The following LOXHD1 variants were observed in gnomAD, a reference collection of about 807,000 sequenced individuals.
The protein encoded by LOXHD1 is lipoxygenase homology PLAT domains 1.
A neutral mutation model predicts 248.2 loss-of-function variants in LOXHD1; 205 were observed. The observed-to-expected ratio is 0.83, with a 90% confidence interval of 0.74 to 0.93. LOXHD1 has a LOEUF of 0.93. Ranked by LOEUF, LOXHD1 falls within the 40% of genes least tolerant of loss-of-function variation. The pLI, the probability that LOXHD1 is intolerant of heterozygous loss-of-function variation, is 0.00. For synonymous variants in LOXHD1, 1,113 were observed against 1,162.8 expected (o/e 0.96, Z 0.87); for missense variants, 2,930 against 2,971.6 (o/e 0.99, Z 0.33).
At chr18:46,620,440 G>T (rs560999937) in intron 4 of LOXHD1, among the ~76,000 whole-genome samples, 1 of 152,332 alleles carries the variant, frequency 6.6e-6, no homozygotes, top group Non-Finnish European at 1.5e-5. Context: ...CAGTGAAGCA[G>T]GAGAAAGGAT....
chr18:46,583,204 G>T (rs1258487271), intron 12 of LOXHD1, among the ~76,000 whole-genome samples: 1 of 152,150 alleles, frequency 6.6e-6, no homozygotes, highest in African/African-American at 2.4e-5. Context: ...AAAGTGAAAA[G>T]ATTGATTAAA....
At chr18:46,637,560 C>G (rs1010074028) in intron 4 of LOXHD1, among the ~76,000 whole-genome samples, 1 of 152,106 alleles carries the variant, frequency 6.6e-6, no homozygotes, top group African/African-American at 2.4e-5. Context: ...ATGAAATTCA[C>G]CCCAGTTGAA....
Position 46,577,806 on chromosome 18 carries a change from T to A in LOXHD1, c.1871A>T (p.His624Leu). 1 of 1,551,690 alleles carries A rather than the reference T, an allele frequency of 6.4e-7. No homozygotes were observed. Among genetic ancestry groups the A allele is most frequent in the Non-Finnish European group, 8.7e-7 (1 of 1,146,992 alleles). ...MRNVRRVRIR[H>L]DGKGSGSGWY... is the part of the protein sequence containing the mutation. ...GCCGCTGCCGGAGCCTTTGCCATCGTGTCTGATCCTCACCCGCCTCACATT... is the reference window on the plus strand; with the variant it reads ...GCCGCTGCCGGAGCCTTTGCCATCGAGTCTGATCCTCACCCGCCTCACATT... Residue 624 changes from histidine (H) to leucine (L), a missense_variant, in exon 14 of 41, where the codon CAC becomes CTC. Coordinates refer to ENST00000642948, the MANE Select transcript of LOXHD1 (RefSeq NM_001384474.1).
chr18:46,549,711 TG>T (rs149715821), intron 21 of LOXHD1, among the ~76,000 whole-genome samples: 4,312 of 152,284 alleles, frequency 0.028, 199 homozygotes, highest in African/African-American at 0.1. Context: ...AATAACTTTT[TG>T]TTCAACCCTT....
intron 18 of LOXHD1, 52 bp downstream of exon 18, chr18:46,563,013 T>C (rs2037561676): frequency 6.6e-7 from 1 of 1,510,224 alleles, no homozygotes; most frequent in East Asian, 2.5e-5. Context: ...GGGAAGCATC[T>C]TGGTGTCCAC....
At chr18:46,498,395 T>C (rs1049819389) in intron 37 of LOXHD1, among the ~76,000 whole-genome samples, 1 of 152,224 alleles carries the variant, frequency 6.6e-6, no homozygotes, top group Non-Finnish European at 1.5e-5. Context: ...GGTTCTTCCC[T>C]ACTATATTAT....
At chr18:46,542,415 G>A (rs780929921) in intron 24 of LOXHD1, among the ~76,000 whole-genome samples, 2 of 152,180 alleles carry the variant, frequency 1.3e-5, no homozygotes, top group African/African-American at 2.4e-5. Flanking sequence ...TGATCCTGTT[G>A]CACACTCAAA....
At position 46,531,060 on chromosome 18, in the gene LOXHD1, C is replaced by A. The variant is rs533090119; in HGVS notation, c.4376-1729G>T. On this transcript the variant is annotated intron_variant, in intron 28 of 40. Coordinates refer to ENST00000642948, the MANE Select transcript of LOXHD1 (RefSeq NM_001384474.1). ...CAAACCTAAACTCTACCCTCTCCTG[C>A]AACCCCTGTCCCTTTTGCAAACCTT... Among the ~76,000 whole-genome samples the A allele has an allele frequency of 2.5e-3, 381 of 152,238 alleles. 3 individuals carry two copies. The highest frequency in any genetic ancestry group is 3.6e-3 in the Non-Finnish European group (246 of 68,016).
chr18:46,482,650 A>G (rs556848907), intron 40 of LOXHD1, among the ~76,000 whole-genome samples: 1 of 152,332 alleles, frequency 6.6e-6, no homozygotes, highest in East Asian at 1.9e-4. Flanking sequence ...AGGTTGGACA[A>G]GTGTGGCTTT....
chr18:46,552,439 C>T (rs1456078123), intron 21 of LOXHD1, among the ~76,000 whole-genome samples: 2 of 152,182 alleles, frequency 1.3e-5, no homozygotes, highest in Non-Finnish European at 2.9e-5. Context: ...AAACCTGCAC[C>T]CCCAACCCCC....
At position 46,594,338 on chromosome 18, in the gene LOXHD1, C is replaced by G. The variant is rs763517625; in HGVS notation, c.1263G>C (p.Arg421=). The change falls in exon 9 of 41, where the codon CGG becomes CGC. Residue 421 remains arginine (R), a synonymous_variant. Transcript: ENST00000642948. ...TGGGTCTCTCTCACTTACTTTTCAG[C>G]CGCTTCTTCCTGAGAGACACCATCT... The part of the protein sequence containing the change: ...LYEMVSLRKK[R]LKKFPWSLWV... 5.2e-6 allele frequency: 8 copies of G among 1,551,460 alleles called. No homozygotes were observed. The highest frequency in any genetic ancestry group is 6.1e-6 in the Non-Finnish European group (7 of 1,146,986).
intron 17 of LOXHD1, among the ~76,000 whole-genome samples, chr18:46,563,491 G>A (rs561354856): frequency 2.6e-5 from 4 of 152,234 alleles, no homozygotes; most frequent in Admixed American, 2.6e-4. Flanking sequence ...TGCACCACAC[G>A]CACCAGGAAG....
rs1467160997 is a variant in LOXHD1 at position 46,533,238 on chromosome 18, A to T, written c.4299T>A (p.Tyr1433Ter). 2 of 1,551,650 alleles carry T rather than the reference A, an allele frequency of 1.3e-6. No individual in the cohort carries two copies. The highest frequency in any genetic ancestry group is 8.7e-7 in the Non-Finnish European group (1 of 1,147,004). Residue 1433 changes from tyrosine to a stop codon, truncating the protein, a stop_gained, in exon 28 of 41, where the codon TAT (tyrosine) becomes TAA (stop). Coordinates refer to ENST00000642948, the MANE Select transcript of LOXHD1 (RefSeq NM_001384474.1). LOFTEE classifies it high-confidence loss of function. Reference protein sequence around the residue: ...DKKTIRELVPYDIFTEKYMKD... With the variant: ...DKKTIRELVP ...TCATGTATTTCTCAGTGAAGATGTC[A>T]TATGGAACCAGTTCTCGAATGGTCT... is the stretch of plus-strand genomic sequence containing the variant.
chr18:46,656,981 A>G lies in LOXHD1; in HGVS notation c.53T>C (p.Leu18Pro), dbSNP rs1173041041. ...GTAGTTCAGCAGCTCCGCTTCGTACAGGGCCAGGAAGTCGATGTCCTTCTT... is the reference window on the plus strand; with the variant it reads ...GTAGTTCAGCAGCTCCGCTTCGTACGGGGCCAGGAAGTCGATGTCCTTCTT... ...RRKKDIDFLA[L>P]YEAELLNYAS... Residue 18 changes from leucine (L) to proline (P), a missense_variant, in exon 1 of 41, where the codon CTG (leucine) becomes CCG (proline). Leu to Pro is a moderately conservative substitution (Grantham distance 98). Transcript: ENST00000642948. 6.4e-7 allele frequency: 1 copy of G among 1,551,594 alleles called. No homozygotes were observed. Among genetic ancestry groups the G allele is most frequent in the Non-Finnish European group, 8.7e-7 (1 of 1,146,930 alleles).
chr18:46,509,763 G>A lies in LOXHD1; in HGVS notation c.5452C>T (p.Pro1818Ser), dbSNP rs571539488. 27 of 1,551,196 alleles carry A rather than the reference G, an allele frequency of 1.7e-5. No individual in the cohort carries two copies. The highest frequency in any genetic ancestry group is 2.3e-5 in the Non-Finnish European group (26 of 1,146,884). Residue 1818 changes from proline (P) to serine (S), a missense_variant, in exon 35 of 41, where the codon CCA (proline) becomes TCA (serine). Transcript: ENST00000642948. The stretch of plus-strand genomic sequence containing the variant: ...ATCCGGATCCGCATCTTGGTGAATG[G>A]AGCAATGTCTAGGATCTCCATGATG... Reference protein sequence around the residue: ...TFIMEILDIAPFTKMRIRIDG... With the variant: ...TFIMEILDIASFTKMRIRIDG...
chr18:46,487,688 G>T (rs2033159905), intron 38 of LOXHD1, among the ~76,000 whole-genome samples: 1 of 152,218 alleles, frequency 6.6e-6, no homozygotes, highest in African/African-American at 2.4e-5. Context: ...AGCTGAAATG[G>T]TGTGGGATTG....
intron 5 of LOXHD1, among the ~76,000 whole-genome samples, chr18:46,616,773 A>G (rs1013541448): frequency 6.6e-6 from 1 of 152,232 alleles, no homozygotes; most frequent in Non-Finnish European, 1.5e-5. Context: ...AGAATAGTGA[A>G]GACACTATTC....
At position 46,589,578 on chromosome 18, in the gene LOXHD1, A is replaced by C. The variant is rs114379318; in HGVS notation, c.1654+2355T>G. ...CTTGACAAAATGCATATTACCAGGAATAGCCCTCAAAGACTCTAATCAGCA... is the reference window on the plus strand; with the variant it reads ...CTTGACAAAATGCATATTACCAGGACTAGCCCTCAAAGACTCTAATCAGCA... On this transcript the variant is annotated intron_variant, in intron 12 of 40. Transcript: ENST00000642948. Among the ~76,000 whole-genome samples, 722 of 152,338 alleles carry C rather than the reference A, an allele frequency of 4.7e-3. 6 individuals carry two copies. The highest frequency in any genetic ancestry group is 0.017 in the African/African-American group (692 of 41,564).
Position 46,519,377 on chromosome 18 carries a change from C to T in LOXHD1, c.5272-1121G>A, listed in dbSNP as rs181981414. On this transcript the variant is annotated intron_variant, in intron 33 of 40. Coordinates refer to ENST00000642948, the MANE Select transcript of LOXHD1 (RefSeq NM_001384474.1). ...TCCAAACCGGAGCTATTAATCACAG[C>T]GGTCATGTTCCCATCATTGTCCTGG... is the stretch of plus-strand genomic sequence containing the variant. Among the ~76,000 whole-genome samples the T allele has an allele frequency of 1.2e-3, 178 of 152,318 alleles. 1 individual carries two copies. The highest frequency in any genetic ancestry group is 3.9e-3 in the African/African-American group (161 of 41,578).
Sources: gnomAD v4.1 joint callset for allele counts (sites outside exome capture counted in the v4.1 genomes callset) on GRCh38, gnomAD v4.1.1 for gene constraint, MANE v1.5 for transcripts, NCBI Gene and HGNC (gene_info 2026-07-23, HGNC 2026-07-21) for gene names.